The following RSPO4 variants were observed in gnomAD, a reference collection of about 807,000 sequenced individuals.
RSPO4 encodes R-spondin 4.
In RSPO4, 23 loss-of-function variants were observed where a neutral mutation model predicts 24.8. That is an observed-to-expected ratio of 0.93 (90% CI 0.67 to 1.31). The LOEUF is 1.31. RSPO4 is among the 40% of genes most tolerant of loss of function. RSPO4 has a pLI of 0.00. For synonymous variants in RSPO4, 141 were observed against 127.4 expected, an observed-to-expected ratio of 1.11 and a Z score of -0.72; for missense variants, 333 against 316.5, an observed-to-expected ratio of 1.05 and a Z score of -0.39.
At position 979,313 on chromosome 20, in the gene RSPO4, C is replaced by T. The variant is rs1984665067; in HGVS notation, c.80-11175G>A. Among the ~76,000 whole-genome samples, 10 of 152,116 alleles carry T rather than the reference C, an allele frequency of 6.6e-5. 1 individual carries two copies. The highest frequency in any genetic ancestry group is 5.9e-4 in the Admixed American group (9 of 15,270). ...CTTCCTTTTGTCTGGAATGCCCTTC[C>T]CACATTCACCCGCAAGGCTCCCTCC... On this transcript the variant is annotated intron_variant, in intron 1 of 4. Coordinates refer to ENST00000217260, the MANE Select transcript of RSPO4 (RefSeq NM_001029871.4).
intron 4 of RSPO4, 59 bp from the exon 5 acceptor site, chr20:960,525 G>T: frequency 2.3e-6 from 3 of 1,285,278 alleles, no homozygotes; most frequent in East Asian, 5.0e-5. Context: ...GGTCCTGGGA[G>T]CCTCCTCAGT....
At chr20:963,818 C>T in intron 4 of RSPO4, 117 bp downstream of exon 4, 3 of 1,033,470 alleles carry the variant, frequency 2.9e-6, no homozygotes, top group Non-Finnish European at 4.5e-6. Flanking sequence ...GATAGTATGG[C>T]TAATGGTGGC....
intron 1 of RSPO4, among the ~76,000 whole-genome samples, chr20:990,474 C>T (rs921129937): frequency 1.0e-4 from 14 of 139,384 alleles, no homozygotes; most frequent in African/African-American, 4.1e-4. Context: ...TCCTTCCTTC[C>T]TTCCTTCTTT....
At chr20:998,999 T>A (rs1051644567) in intron 1 of RSPO4, among the ~76,000 whole-genome samples, 3 of 151,200 alleles carry the variant, frequency 2.0e-5, no homozygotes, top group Non-Finnish European at 4.4e-5. Context: ...TTTTTTTTTT[T>A]TTTTTGAGAC....
intron 2 of RSPO4, 122 bp downstream of exon 2, chr20:967,828 A>G (rs1984262793): frequency 2.0e-6 from 2 of 1,022,946 alleles, no homozygotes; most frequent in African/African-American, 3.1e-5. Context: ...CAGGTATCTC[A>G]GAGTCTGGGC....
chr20:1,001,571 C>T (rs75203434), intron 1 of RSPO4, among the ~76,000 whole-genome samples: 287 of 152,276 alleles, frequency 1.9e-3, no homozygotes, highest in African/African-American at 6.6e-3. Flanking sequence ...TCAGGTCTGG[C>T]TGAACTCAAC....
At chr20:984,905 C>G (rs1172855039) in intron 1 of RSPO4, among the ~76,000 whole-genome samples, 1 of 138,426 alleles carries the variant, frequency 7.2e-6, no homozygotes, top group Non-Finnish European at 1.5e-5. Context: ...CCATCCCCAT[C>G]CATCCATCCA....
intron 1 of RSPO4, among the ~76,000 whole-genome samples, chr20:1,000,369 C>T (rs1219877793): frequency 1.3e-5 from 2 of 152,180 alleles, no homozygotes; most frequent in East Asian, 1.9e-4. Flanking sequence ...GCATCTCTCC[C>T]CTCCCTCCAC....
At chr20:991,659 C>T (rs932808949) in intron 1 of RSPO4, among the ~76,000 whole-genome samples, 6 of 149,920 alleles carry the variant, frequency 4.0e-5, no homozygotes, top group African/African-American at 1.5e-4. Context: ...AATTAAGTAA[C>T]AAAATAAAAA....
intron 1 of RSPO4, among the ~76,000 whole-genome samples, chr20:995,349 G>A (rs1015136855): frequency 6.6e-6 from 1 of 152,126 alleles, no homozygotes; most frequent in Non-Finnish European, 1.5e-5. Context: ...TATTTGCGAC[G>A]TTACTTTGGA....
chr20:962,883 G>A (rs515527), intron 4 of RSPO4, among the ~76,000 whole-genome samples: 3,069 of 152,252 alleles, frequency 0.02, 41 homozygotes, highest in Non-Finnish European at 0.029. Flanking sequence ...CAACCTTTCT[G>A]GGCCTCAGTC....
intron 1 of RSPO4, among the ~76,000 whole-genome samples, chr20:986,770 C>G (rs570074350): frequency 1.3e-5 from 2 of 151,928 alleles, no homozygotes; most frequent in Non-Finnish European, 2.9e-5. Context: ...TAATACACAA[C>G]GAGCTCCTAT....
rs1267847396 is a variant in RSPO4, at chr20:1,002,223, C to T, written c.-59G>A. ...GCGGCCCGACGGCCCAAGGGCCCCA[C>T]GTCCCGGCGGCGGCACGGCGGGCGC... On this transcript the variant is annotated 5_prime_UTR_variant, in exon 1 of 5. It adds an upstream start codon to the 5' untranslated region. Transcript: ENST00000217260. This position sits in a 1 kb window ranked among gnomAD's most constrained non-coding sequence, Gnocchi z 4.6. 9 of 1,269,672 alleles carry T rather than the reference C, an allele frequency of 7.1e-6. No individual in the cohort carries two copies. The South Asian group carries it at 8.6e-5, about 12-fold the overall frequency. The allele number at this position is 1,269,672 out of a possible 1,614,324, so 78.7% of individuals were successfully genotyped here. A position where few individuals can be genotyped will look rare whatever the true frequency, so the allele number is the denominator to read the frequency against.
Position 967,943 on chromosome 20 carries a change from C to T in RSPO4, c.268+7G>A, listed in dbSNP as rs767596781. The T allele has an allele frequency of 1.6e-5, 26 of 1,613,908 alleles. No individual in the cohort carries two copies. The highest frequency in any genetic ancestry group is 3.3e-5 in the Admixed American group (2 of 60,008). On this transcript the variant is annotated splice_region_variant and intron_variant, in intron 2 of 4. Transcript: ENST00000217260. ...CACTAGCATAGAACAAGGGAGAAGC[C>T]ACGTACTTTTGCACCTGTTGACCTC...
intron 1 of RSPO4, among the ~76,000 whole-genome samples, chr20:971,972 G>A (rs1033903458): frequency 6.6e-6 from 1 of 152,190 alleles, no homozygotes; most frequent in African/African-American, 2.4e-5. Flanking sequence ...TTCTGAAGAC[G>A]TGGGACCCGG....
In RSPO4 at chr20:960,476, G is replaced by A. The variant is rs576270623; in HGVS notation, c.596-10C>T. ...TGGCCGGGGCTCCTCTCTGCAATGA[G>A]AGGACAGAGCCCGGTGACCAAGGCT... On this transcript the variant is annotated splice_polypyrimidine_tract_variant and intron_variant, in intron 4 of 4. Coordinates refer to ENST00000217260, the MANE Select transcript of RSPO4 (RefSeq NM_001029871.4). 1 of 1,534,196 alleles carries A rather than the reference G, an allele frequency of 6.5e-7. No homozygotes were observed. The highest frequency in any genetic ancestry group is 8.8e-7 in the Non-Finnish European group (1 of 1,142,778).
chr20:972,228 C>T (rs1012398303), intron 1 of RSPO4, among the ~76,000 whole-genome samples: 10 of 152,142 alleles, frequency 6.6e-5, no homozygotes, highest in African/African-American at 2.4e-4. Context: ...CCATGCCCAG[C>T]TAATCTGTGT....
rs1201600404 is a variant in RSPO4, at chr20:970,218, C to T, written c.80-2080G>A. 1.3e-5 allele frequency among the ~76,000 whole-genome samples: 2 copies of T among 152,134 alleles called. No individual in the cohort carries two copies. The highest frequency in any genetic ancestry group is 2.9e-5 in the Non-Finnish European group (2 of 68,020). Reference sequence around the variant, plus strand: ...AATGGGGTTCATGGTGGAGGCAGGGCAGGCTCTCTGCCCAGCCCTGGCTGA... The same window carrying T: ...AATGGGGTTCATGGTGGAGGCAGGGTAGGCTCTCTGCCCAGCCCTGGCTGA... On this transcript the variant is annotated intron_variant, in intron 1 of 4. Transcript: ENST00000217260. The surrounding 1 kb of genome is among the most constrained non-coding windows in gnomAD (Gnocchi z 4.1).
chr20:987,516 T>C (rs1201899544), intron 1 of RSPO4, among the ~76,000 whole-genome samples: 1 of 152,144 alleles, frequency 6.6e-6, no homozygotes. Flanking sequence ...CCAGGTGCGG[T>C]GGCTCACACC....
Sources: allele counts gnomAD v4.1 joint callset (sites outside exome capture counted in the v4.1 genomes callset), GRCh38; gene constraint gnomAD v4.1.1; non-coding constraint Gnocchi (gnomAD v3.1); transcripts MANE v1.5; gene names NCBI Gene and HGNC (gene_info 2026-07-23, HGNC 2026-07-21).